KRCC1: variants seen among roughly 807,000 people sequenced by gnomAD.
The protein encoded by KRCC1 is lysine-rich coiled-coil protein 1.
KRCC1 carries 3 observed loss-of-function variants against 7.4 expected under a neutral mutation model. The ratio of observed to expected loss-of-function variants is 0.40; its 90% CI spans 0.18 to 1.04. The LOEUF (loss-of-function observed/expected upper bound fraction) is 1.04. KRCC1 is among the 50% of genes least tolerant of loss of function. The pLI, the probability that KRCC1 is intolerant of heterozygous loss-of-function variation, is 0.33. For missense variants in KRCC1, 277 were observed against 300.9 expected, an observed-to-expected ratio of 0.92 and a Z score of 0.59; for synonymous variants, 102 against 101.6, an observed-to-expected ratio of 1.00 and a Z score of -0.02.
At chr2:88,045,307 C>T (rs1290027382) in intron 1 of KRCC1, among the ~76,000 whole-genome samples, 1 of 152,104 alleles carries the variant, frequency 6.6e-6, no homozygotes, top group Non-Finnish European at 1.5e-5. Flanking sequence ...TTTGTAACAG[C>T]CAAAACCTGA....
chr2:88,032,838 T>G (rs1349381550), intron 3 of KRCC1, among the ~76,000 whole-genome samples: 1 of 152,194 alleles, frequency 6.6e-6, no homozygotes, highest in Non-Finnish European at 1.5e-5. Context: ...TAGTGGCTCA[T>G]GCCTGTAATC....
chr2:88,053,915 A>G (rs1238231120), intron 1 of KRCC1, among the ~76,000 whole-genome samples: 1 of 152,214 alleles, frequency 6.6e-6, no homozygotes, highest in Non-Finnish European at 1.5e-5. Flanking sequence ...TTCACTCTGA[A>G]GACAAAAAGC....
chr2:88,033,158 T>C (rs1352939608), intron 3 of KRCC1, among the ~76,000 whole-genome samples: 1 of 152,156 alleles, frequency 6.6e-6, no homozygotes, highest in Admixed American at 6.5e-5. Context: ...CTGCCAAAAC[T>C]TACCAAATTG....
chr2:88,027,993 T>C lies in KRCC1; in HGVS notation c.571A>G (p.Lys191Glu), dbSNP rs1176336902. The change falls in exon 4 of 4, where the codon AAA (lysine) becomes GAA (glutamate). Residue 191 changes from lysine (K) to glutamate (E), a missense_variant. By Grantham distance (56) the Lys-to-Glu change is moderately conservative. Coordinates refer to ENST00000347055, the MANE Select transcript of KRCC1 (RefSeq NM_016618.3). ...TTCTTTCTTTGGATGCTCTTGTGTTTGTCTAAGTCAATTTCCTCGCAGCTT... is the reference window on the plus strand; with the variant it reads ...TTCTTTCTTTGGATGCTCTTGTGTTCGTCTAAGTCAATTTCCTCGCAGCTT... ...KKSCEEIDLD[K>E]HKSIQRKKTE... is the part of the protein sequence containing the mutation. 2.5e-6 allele frequency: 4 copies of C among 1,613,902 alleles called. No homozygotes were observed. The highest frequency in any genetic ancestry group is 1.3e-5 in the African/African-American group (1 of 74,858).
chr2:88,030,092 C>T (rs1672965529), intron 3 of KRCC1, among the ~76,000 whole-genome samples: 6 of 150,994 alleles, frequency 4.0e-5, no homozygotes, highest in Admixed American at 4.0e-4. Context: ...AGGTGATCTG[C>T]CTGCCTCGGC....
chr2:88,044,555 T>C (rs1281371865), intron 1 of KRCC1, among the ~76,000 whole-genome samples: 1 of 152,108 alleles, frequency 6.6e-6, no homozygotes, highest in African/African-American at 2.4e-5. Flanking sequence ...GGGCAAAAGG[T>C]CTGAACAGAT....
intron 1 of KRCC1, among the ~76,000 whole-genome samples, chr2:88,042,129 C>T (rs571780944): frequency 6.8e-6 from 1 of 147,710 alleles, no homozygotes; most frequent in South Asian, 2.2e-4. Flanking sequence ...GGCACAATCT[C>T]AGCTCACTGC....
intron 1 of KRCC1, among the ~76,000 whole-genome samples, chr2:88,053,290 T>G (rs1673537141): frequency 6.6e-6 from 1 of 152,228 alleles, no homozygotes; most frequent in African/African-American, 2.4e-5. Context: ...ATTCTCATTT[T>G]ACCACCCTGA....
chr2:88,028,642 C>CAT, intron 3 of KRCC1, 57 bp from the exon 4 acceptor site: 1 of 682,160 alleles, frequency 1.5e-6, no homozygotes, highest in Non-Finnish European at 2.2e-6. Context: ...ATTTCCTTTG[C>CAT]TCTTTTTTTT....
intron 3 of KRCC1, among the ~76,000 whole-genome samples, chr2:88,031,016 T>A (rs1672980506): frequency 6.6e-6 from 1 of 152,178 alleles, no homozygotes; most frequent in Non-Finnish European, 1.5e-5. Flanking sequence ...CTATGTACAG[T>A]ACATAAGATT....
In KRCC1 at chr2:88,028,304, T is replaced by C. The variant is rs111683511; in HGVS notation, c.260A>G (p.Gln87Arg). ...TCTGCTGTCATGGGCTGGTAACCAC[T>C]GAGGCAACCGATTTTCCACTGTTTG... ...IPQTVENRLP[Q>R]WLPAHDSRLR... The change falls in exon 4 of 4, where the codon CAG (glutamine) becomes CGG (arginine). Residue 87 changes from glutamine to arginine, a missense_variant. Coordinates refer to ENST00000347055, the MANE Select transcript of KRCC1 (RefSeq NM_016618.3). The C allele has an allele frequency of 6.4e-5, 104 of 1,614,196 alleles. 3 individuals are homozygous for C. Among genetic ancestry groups the C allele is most frequent in the African/African-American group, 6.3e-4 (47 of 75,058 alleles).
chr2:88,040,557 A>G (rs975076244), intron 1 of KRCC1, among the ~76,000 whole-genome samples: 14 of 152,202 alleles, frequency 9.2e-5, no homozygotes, highest in Non-Finnish European at 1.8e-4. Context: ...AGAATTTCTC[A>G]TAAAGATTAG....
chr2:88,050,120 C>T (rs1304433352), intron 1 of KRCC1, among the ~76,000 whole-genome samples: 1 of 152,174 alleles, frequency 6.6e-6, no homozygotes, highest in African/African-American at 2.4e-5. Flanking sequence ...TGGCACATAA[C>T]AGGAACTCAA....
intron 1 of KRCC1, among the ~76,000 whole-genome samples, chr2:88,053,681 A>G (rs1673549031): frequency 6.6e-6 from 1 of 152,232 alleles, no homozygotes; most frequent in Non-Finnish European, 1.5e-5. Flanking sequence ...GCTTACAAAA[A>G]TGTTTTAAGA....
At chr2:88,052,327 C>G (rs1026179223) in intron 1 of KRCC1, among the ~76,000 whole-genome samples, 1 of 152,178 alleles carries the variant, frequency 6.6e-6, no homozygotes, top group Non-Finnish European at 1.5e-5. Flanking sequence ...TTGTCTTATG[C>G]ATTTTTTGCA....
intron 1 of KRCC1, among the ~76,000 whole-genome samples, chr2:88,037,504 C>A (rs1673115440): frequency 6.6e-6 from 1 of 152,140 alleles, no homozygotes; most frequent in Non-Finnish European, 1.5e-5. Flanking sequence ...TCACCCAGGC[C>A]AGAGCGTGAT....
At chr2:88,040,952 C>T (rs777646646) in intron 1 of KRCC1, among the ~76,000 whole-genome samples, 2 of 152,032 alleles carry the variant, frequency 1.3e-5, no homozygotes, top group African/African-American at 2.4e-5. Flanking sequence ...GGCATTTCTG[C>T]TTTAGATAAA....
intron 1 of KRCC1, among the ~76,000 whole-genome samples, chr2:88,042,467 G>A (rs111713001): frequency 0.031 from 4,648 of 148,558 alleles, 100 homozygotes; most frequent in Middle Eastern, 0.073. Context: ...CCCTGAGGCT[G>A]GAGTGCAGAG....
At position 88,028,579 on chromosome 2, in the gene KRCC1, G is replaced by A. The variant is rs1672928374; in HGVS notation, c.-16C>T. On this transcript the variant is annotated 5_prime_UTR_variant, in exon 4 of 4. Transcript: ENST00000347055. The stretch of plus-strand genomic sequence containing the variant: ...AATGCTTCATTAGGTTGACAAAACG[G>A]GATTTTCTGCAAAAAAGGGAGAAAA... 1.9e-6 allele frequency: 3 copies of A among 1,582,178 alleles called. No homozygotes were observed. The highest frequency in any genetic ancestry group is 1.7e-6 in the Non-Finnish European group (2 of 1,166,560).
Sources: allele counts gnomAD v4.1 joint callset (sites outside exome capture counted in the v4.1 genomes callset), GRCh38; gene constraint gnomAD v4.1.1; transcripts MANE v1.5; gene names NCBI Gene and HGNC (gene_info 2026-07-23, HGNC 2026-07-21).